CEP97: variants seen among roughly 807,000 people sequenced by gnomAD.
CEP97 encodes centrosomal protein of 97 kDa.
Under a neutral mutation model 73.1 loss-of-function variants are expected in CEP97, and 43 were observed. The ratio of observed to expected loss-of-function variants is 0.59; its 90% CI spans 0.46 to 0.76. The LOEUF is 0.76. CEP97 is among the 30% of genes least tolerant of loss of function. CEP97 has a pLI of 0.00. For synonymous variants in CEP97, 337 were observed against 370.0 expected, an observed-to-expected ratio of 0.91 and a Z score of 1.02; for missense variants, 939 against 1,014.0, an observed-to-expected ratio of 0.93 and a Z score of 1.00.
chr3:101,727,709 T>C (rs1013771847), intron 3 of CEP97, among the ~76,000 whole-genome samples, 168 bp downstream of exon 3: 3 of 152,198 alleles, frequency 2.0e-5, no homozygotes, highest in Non-Finnish European at 4.4e-5. Context: ...TAATATGACA[T>C]AATATTCTTT....
At chr3:101,762,453 T>C (rs756887578) in intron 9 of CEP97, 32 bp from the exon 10 acceptor site, 3 of 1,454,062 alleles carry the variant, frequency 2.1e-6, no homozygotes, top group Non-Finnish European at 2.9e-6. Context: ...GCACCCTTCC[T>C]TATGTCAATA....
chr3:101,731,154 T>C (rs528725498), intron 4 of CEP97, among the ~76,000 whole-genome samples: 176 of 151,878 alleles, frequency 1.2e-3, no homozygotes, highest in Non-Finnish European at 2.2e-3. Flanking sequence ...TCACTCTCTT[T>C]TTTGGAAAAT....
rs113228046 is a variant in CEP97, at chr3:101,756,667, C to T, written c.894-396C>T. ...TGCTGGGATTACAGGTGCGCGACAC[C>T]GTGCCCGACCTATTTGTTCTTTAAT... On this transcript the variant is annotated intron_variant, in intron 7 of 10. Coordinates refer to ENST00000341893, the MANE Select transcript of CEP97 (RefSeq NM_024548.4). 9.4e-3 allele frequency among the ~76,000 whole-genome samples: 1,426 copies of T among 152,184 alleles called. 18 individuals are homozygous for T. Among genetic ancestry groups the T allele is most frequent in the African/African-American group, 0.031 (1,279 of 41,516 alleles).
rs964689592 is a variant in CEP97 at position 101,769,290 on chromosome 3, C to G, written c.*3739C>G. 1 of 151,060 alleles carries G rather than the reference C, an allele frequency of 6.6e-6. No homozygotes were observed. The highest frequency in any genetic ancestry group is 1.5e-5 in the Non-Finnish European group (1 of 67,844). The allele number at this position is 151,060 out of a possible 1,614,324, so 9.4% of individuals were successfully genotyped here. On this transcript the variant is annotated 3_prime_UTR_variant, in exon 11 of 11. Coordinates refer to ENST00000341893, the MANE Select transcript of CEP97 (RefSeq NM_024548.4). Reference sequence around the variant, plus strand: ...AAATAGAATGAATATGATCATTTCTCCATCATAAAGGAAAGAAGAGACTTC... The same window carrying G: ...AAATAGAATGAATATGATCATTTCTGCATCATAAAGGAAAGAAGAGACTTC...
Position 101,728,932 on chromosome 3 carries a change from C to G in CEP97, c.442C>G (p.Leu148Val). Residue 148 changes from leucine to valine, a missense_variant, in exon 4 of 11, where the codon CTG becomes GTG. By Grantham distance (32) the Leu-to-Val change is conservative. Transcript: ENST00000341893. ...QIGDLSKLVSLKTLLLHGNII... is the reference protein window; with the variant it reads ...QIGDLSKLVSVKTLLLHGNII... ...AGGTGATCTATCTAAATTGGTATCC[C>G]TGAAAGTAAGTATGTTTTCTTTGTC... 6.7e-7 allele frequency: 1 copy of G among 1,483,156 alleles called. No homozygotes were observed. The highest frequency in any genetic ancestry group is 1.4e-5 in the African/African-American group (1 of 72,142). The allele number at this position is 1,483,156 out of a possible 1,614,324, so 91.9% of individuals were successfully genotyped here. A position where few individuals can be genotyped will look rare whatever the true frequency, so the allele number is the denominator to read the frequency against.
At position 101,769,790 on chromosome 3, in the gene CEP97, A is replaced by T. The variant is rs1939414666; in HGVS notation, c.*4239A>T. The T allele has an allele frequency of 6.6e-6, 1 of 152,240 alleles. No individual in the cohort carries two copies. Among genetic ancestry groups the T allele is most frequent in the Non-Finnish European group, 1.5e-5 (1 of 68,048 alleles). The allele number at this position is 152,240 out of a possible 1,614,324, so 9.4% of individuals were successfully genotyped here. On this transcript the variant is annotated 3_prime_UTR_variant, in exon 11 of 11. Transcript: ENST00000341893. ...GAAGCAGAAAGGGTCTGTAAGGAAC[A>T]TTCTAAACATTTTTAATGATATTGC...
At chr3:101,732,045 G>A (rs183648090) in intron 5 of CEP97, 92 bp downstream of exon 5, 1 of 747,310 alleles carries the variant, frequency 1.3e-6, no homozygotes, top group Non-Finnish European at 2.3e-6. Context: ...TAGACTGTGA[G>A]CATCTTGGAA....
intron 6 of CEP97, among the ~76,000 whole-genome samples, chr3:101,737,842 A>G (rs1333721944): frequency 6.6e-6 from 1 of 152,164 alleles, no homozygotes; most frequent in African/African-American, 2.4e-5. Context: ...ACATAACAAT[A>G]TTAACCTTAA....
At chr3:101,742,648 T>C (rs1938491703) in intron 6 of CEP97, among the ~76,000 whole-genome samples, 1 of 151,736 alleles carries the variant, frequency 6.6e-6, no homozygotes, top group Admixed American at 6.6e-5. Flanking sequence ...GACGAGTTGC[T>C]GGGTGCAGCA....
intron 6 of CEP97, among the ~76,000 whole-genome samples, chr3:101,744,597 A>AC (rs1237505791): frequency 8.6e-5 from 13 of 151,604 alleles, no homozygotes; most frequent in Non-Finnish European, 1.5e-4. Context: ...AAAAAAAAAA[A>AC]AAAGGATAGA....
Position 101,764,962 on chromosome 3 carries a change from A to G in CEP97, c.2009A>G (p.Gln670Arg). 6.2e-7 allele frequency: 1 copy of G among 1,614,178 alleles called. No homozygotes were observed. Among genetic ancestry groups the G allele is most frequent in the South Asian group, 1.1e-5 (1 of 91,082 alleles). ...LVPSKHPLFTQSQESSCDQNA... is the reference protein window; with the variant it reads ...LVPSKHPLFTRSQESSCDQNA... ...CCATCGAAACATCCATTATTTACCC[A>G]AAGCCAGGAGTCCTCTTGTGATCAA... The change falls in exon 11 of 11, where the codon CAA becomes CGA. Residue 670 changes from glutamine to arginine, a missense_variant. By Grantham distance (43) the Gln-to-Arg change is conservative. Transcript: ENST00000341893.
rs746216864 is a variant in CEP97 at position 101,765,404 on chromosome 3, T to C, written c.2451T>C (p.Ser817=). 6.2e-7 allele frequency: 1 copy of C among 1,614,200 alleles called. No homozygotes were observed. The highest frequency in any genetic ancestry group is 8.5e-7 in the Non-Finnish European group (1 of 1,180,038). ...TAGATACATTGTCTGACGGTGCTTC[T>C]GTAGATGAGAGTCATGGCATATCTC... The part of the protein sequence containing the change: ...VQLDTLSDGA[S]VDESHGISPP... Residue 817 remains serine, a synonymous_variant, in exon 11 of 11, where the codon TCT becomes TCC. Transcript: ENST00000341893.
At chr3:101,735,212 CTA>C in intron 6 of CEP97, among the ~76,000 whole-genome samples, 1 of 152,300 alleles carries the variant, frequency 6.6e-6, no homozygotes, top group Non-Finnish European at 1.5e-5. Context: ...GTCTGTGTTT[CTA>C]TACTGTGGAA....
intron 6 of CEP97, among the ~76,000 whole-genome samples, chr3:101,734,222 G>T (rs1938206455): frequency 6.6e-6 from 1 of 152,202 alleles, no homozygotes; most frequent in African/African-American, 2.4e-5. Context: ...TGGGATCCCT[G>T]CAGAATGGAG....
intron 6 of CEP97, among the ~76,000 whole-genome samples, chr3:101,739,699 C>T (rs563240299): frequency 5.3e-4 from 80 of 152,012 alleles, no homozygotes; most frequent in Non-Finnish European, 1.0e-3. Flanking sequence ...TGAGGTCAGA[C>T]GTTAAAGACC....
At chr3:101,739,622 C>T (rs573612587) in intron 6 of CEP97, among the ~76,000 whole-genome samples, 17 of 151,968 alleles carry the variant, frequency 1.1e-4, no homozygotes, top group African/African-American at 3.4e-4. Context: ...AATTCAACAC[C>T]CCTGGCGGGG....
chr3:101,735,773 G>A (rs758958521), intron 6 of CEP97, among the ~76,000 whole-genome samples: 10 of 152,164 alleles, frequency 6.6e-5, no homozygotes, highest in Non-Finnish European at 1.0e-4. Flanking sequence ...GTGGGTGGCC[G>A]TTGGGCAGAC....
intron 1 of CEP97, among the ~76,000 whole-genome samples, chr3:101,726,360 TGAG>T (rs984081708): frequency 9.8e-5 from 15 of 152,300 alleles, no homozygotes; most frequent in East Asian, 3.9e-4. Context: ...CTTAGCAACT[TGAG>T]GAGAATATCA....
chr3:101,728,019 A>G (rs1237948179), intron 3 of CEP97, among the ~76,000 whole-genome samples: 1 of 152,212 alleles, frequency 6.6e-6, no homozygotes, highest in African/African-American at 2.4e-5. Context: ...TATCTGAGCT[A>G]CTGTTCTAAA....
Sources: gnomAD v4.1 joint callset for allele counts (sites outside exome capture counted in the v4.1 genomes callset) on GRCh38, gnomAD v4.1.1 for gene constraint, MANE v1.5 for transcripts, NCBI Gene and HGNC (gene_info 2026-07-23, HGNC 2026-07-21) for gene names.